The following GPR89A variants were observed in gnomAD, a reference collection of about 807,000 sequenced individuals.
GPR89A encodes G protein-coupled receptor 89A.
In GPR89A, 16 loss-of-function variants were observed where a neutral mutation model predicts 52.0. That is an observed-to-expected ratio of 0.31 (90% confidence interval 0.21 to 0.47). GPR89A has a LOEUF of 0.47. Among genes scored for constraint, GPR89A ranks in the 20% least tolerant of loss-of-function variants. The probability of loss-of-function intolerance (pLI) is 1.00; values close to 1 mark genes in which losing one functional copy is unlikely to be tolerated. For missense variants in GPR89A, 135 were observed against 449.4 expected, an observed-to-expected ratio of 0.30 and a Z score of 6.33; for synonymous variants, 55 against 150.9, an observed-to-expected ratio of 0.36 and a Z score of 4.66.
Position 145,623,720 on chromosome 1 carries a change from T to G in GPR89A, c.415+6T>G. ...CATTCTCAGCCCAAAACATGGTGAG[T>G]ATATATAGGAGGGCAGAGGAAGTGG... On this transcript the variant is annotated splice_donor_region_variant and intron_variant, in intron 5 of 13. Coordinates refer to ENST00000313835, the MANE Select transcript of GPR89A (RefSeq NM_001097612.2). The G allele has an allele frequency of 6.3e-7, 1 of 1,591,994 alleles. No individual in the cohort carries two copies. The highest frequency in any genetic ancestry group is 8.5e-7 in the Non-Finnish European group (1 of 1,174,830).
intron 12 of GPR89A, among the ~76,000 whole-genome samples, chr1:145,667,630 A>C (rs1322386614): frequency 2.6e-5 from 4 of 152,146 alleles, no homozygotes; most frequent in African/African-American, 9.7e-5. Context: ...GGTGTTTTAG[A>C]CATGAAGTCC....
chr1:145,611,099 G>A (rs1303105712), intron 1 of GPR89A, among the ~76,000 whole-genome samples: 3 of 150,534 alleles, frequency 2.0e-5, no homozygotes, highest in African/African-American at 4.9e-5. Flanking sequence ...TTTCTTTTTG[G>A]ATCCTCTATA....
intron 7 of GPR89A, among the ~76,000 whole-genome samples, chr1:145,642,617 G>T (rs1380307931): frequency 2.0e-5 from 3 of 152,084 alleles, no homozygotes; most frequent in African/African-American, 7.2e-5. Flanking sequence ...TTTGATCTTT[G>T]GTACCATTGG....
intron 12 of GPR89A, among the ~76,000 whole-genome samples, chr1:145,666,424 A>G (rs1324291138): frequency 6.6e-6 from 1 of 152,260 alleles, no homozygotes; most frequent in Non-Finnish European, 1.5e-5. Context: ...CCTCAAAAAA[A>G]TGTTTCGTTC....
At chr1:145,635,338 G>A (rs1244521394) in intron 7 of GPR89A, among the ~76,000 whole-genome samples, 3 of 151,950 alleles carry the variant, frequency 2.0e-5, no homozygotes, top group Admixed American at 6.5e-5. Flanking sequence ...CCCAGGAGGC[G>A]GAGCTTGCGG....
chr1:145,647,026 G>T, intron 9 of GPR89A, 149 bp from the exon 10 acceptor site: 2 of 1,210,472 alleles, frequency 1.7e-6, no homozygotes, highest in East Asian at 2.6e-5. Context: ...AGTAAATGCT[G>T]GCCACAACTA....
chr1:145,640,638 T>G (rs1650592984), intron 7 of GPR89A, among the ~76,000 whole-genome samples: 1 of 95,850 alleles, frequency 1.0e-5, no homozygotes. Context: ...GAGGTTGCAG[T>G]GAGCCAAGAT....
In GPR89A at chr1:145,623,179, C is replaced by T. The variant is rs375533830; in HGVS notation, c.313+19C>T. On this transcript the variant is annotated intron_variant, in intron 4 of 13. Transcript: ENST00000313835. ...CGACTACGTAAGTATTTTACCCTCT[C>T]AGTCAGCATATAGATTGAGATGAGT... 1.6e-5 allele frequency: 26 copies of T among 1,613,000 alleles called. No homozygotes were observed. The highest frequency in any genetic ancestry group is 3.3e-4 in the Middle Eastern group (2 of 6,074).
At chr1:145,640,126 G>A (rs1650541820) in intron 7 of GPR89A, among the ~76,000 whole-genome samples, 1 of 151,250 alleles carries the variant, frequency 6.6e-6, no homozygotes, top group South Asian at 2.1e-4. Context: ...GGCTGAGGCA[G>A]GAGAATTGCT....
At chr1:145,657,558 ATGT>A (rs1397838966) in intron 10 of GPR89A, among the ~76,000 whole-genome samples, 1 of 151,878 alleles carries the variant, frequency 6.6e-6, no homozygotes, top group East Asian at 1.9e-4. Flanking sequence ...ATGTGTGGAG[ATGT>A]TGTTATTTCT....
chr1:145,662,925 A>C (rs1652301522), intron 10 of GPR89A, among the ~76,000 whole-genome samples: 1 of 150,818 alleles, frequency 6.6e-6, no homozygotes, highest in Non-Finnish European at 1.5e-5. Flanking sequence ...TTGTTGACTT[A>C]TTAGCTATAA....
intron 3 of GPR89A, among the ~76,000 whole-genome samples, chr1:145,619,303 T>TAAAA (rs1190730355): frequency 0.032 from 597 of 18,642 alleles, 5 homozygotes; most frequent in African/African-American, 0.047. Flanking sequence ...ATTGAAAGGT[T>TAAAA]AAAAAAAAAA....
At chr1:145,648,551 C>T (rs1469160874) in intron 10 of GPR89A, among the ~76,000 whole-genome samples, 1 of 150,880 alleles carries the variant, frequency 6.6e-6, no homozygotes, top group Non-Finnish European at 1.5e-5. Context: ...GCGATCTCGG[C>T]TCACTGCAAC....
chr1:145,656,504 TGA>T (rs1553694565), intron 10 of GPR89A, among the ~76,000 whole-genome samples: 2 of 152,164 alleles, frequency 1.3e-5, no homozygotes, highest in African/African-American at 4.8e-5. Context: ...TCAGTCCCAA[TGA>T]GAGAACCTGG....
chr1:145,614,278 C>A (rs1451604140), intron 1 of GPR89A, among the ~76,000 whole-genome samples: 1 of 152,120 alleles, frequency 6.6e-6, no homozygotes, highest in Non-Finnish European at 1.5e-5. Context: ...CTGTCCTAAC[C>A]CCTTACAGAT....
intron 3 of GPR89A, among the ~76,000 whole-genome samples, chr1:145,619,668 T>G (rs1436999170): frequency 6.6e-6 from 1 of 152,032 alleles, no homozygotes; most frequent in East Asian, 1.9e-4. Context: ...ATGAATAACA[T>G]GTATTATGGT....
chr1:145,619,868 A>T (rs1415339852), intron 3 of GPR89A, among the ~76,000 whole-genome samples: 1 of 152,072 alleles, frequency 6.6e-6, no homozygotes, highest in Non-Finnish European at 1.5e-5. Flanking sequence ...ACAAAAAATT[A>T]GCTGGGCGTG....
intron 10 of GPR89A, among the ~76,000 whole-genome samples, chr1:145,662,291 A>G (rs2101838382): frequency 6.6e-6 from 1 of 152,256 alleles, no homozygotes; most frequent in South Asian, 2.1e-4. Context: ...AAACATTTAG[A>G]ATCATTGTGT....
chr1:145,662,724 T>C (rs1439649297), intron 10 of GPR89A, among the ~76,000 whole-genome samples: 2 of 152,238 alleles, frequency 1.3e-5, no homozygotes, highest in Admixed American at 6.5e-5. Context: ...GCTCACCTAT[T>C]ATGCAGACCA....
Sources: gnomAD v4.1 joint callset for allele counts (sites outside exome capture counted in the v4.1 genomes callset) on GRCh38, gnomAD v4.1.1 for gene constraint, MANE v1.5 for transcripts, NCBI Gene and HGNC (gene_info 2026-07-23, HGNC 2026-07-21) for gene names.